Variants in SMIM35 observed in about 807,000 individuals in gnomAD.
SMIM35 encodes the protein TMPRSS4 antisense RNA 1 (non-protein coding).
chr11:118,075,448 G>T (rs929523588), intron 1 of SMIM35, among the ~76,000 whole-genome samples: 15 of 152,188 alleles, frequency 9.9e-5, no homozygotes, highest in African/African-American at 3.6e-4. Context: ...GGTCCTCCAT[G>T]GGCCATATTA....
At chr11:118,017,531 G>A (rs1042528699) in intron 1 of SMIM35, among the ~76,000 whole-genome samples, 3 of 152,144 alleles carry the variant, frequency 2.0e-5, no homozygotes, top group Non-Finnish European at 2.9e-5. Context: ...ATATTAGAGG[G>A]TGGTAAATGC....
At chr11:118,077,290 T>A in intron 1 of SMIM35, 1 of 1,601,906 alleles carries the variant, frequency 6.2e-7, no homozygotes, top group African/African-American at 1.3e-5. Context: ...ACCGGGAGGA[T>A]CACAGAGCCA....
intron 1 of SMIM35, among the ~76,000 whole-genome samples, chr11:118,069,542 T>C (rs904901542): frequency 3.5e-4 from 54 of 152,272 alleles, no homozygotes; most frequent in South Asian, 4.1e-4. Flanking sequence ...AGGAGAGATC[T>C]CCCAGGGAGC....
intron 1 of SMIM35, chr11:118,077,088 TAC>T: frequency 1.8e-6 from 1 of 543,794 alleles, no homozygotes; most frequent in Non-Finnish European, 3.3e-6. Context: ...ACTCCTGGAA[TAC>T]ACAGAGAGAG....
chr11:118,029,104 A>G (rs2058297512), intron 1 of SMIM35: 1 of 288,976 alleles, frequency 3.5e-6, no homozygotes, highest in South Asian at 3.2e-5. Flanking sequence ...CACACGCTTG[A>G]AGTATAGCAT....
intron 1 of SMIM35, among the ~76,000 whole-genome samples, chr11:118,078,035 A>G (rs71482126): frequency 4.6e-5 from 4 of 87,560 alleles, no homozygotes; most frequent in East Asian, 2.9e-4. Flanking sequence ...AAAAAAAAAA[A>G]AAAAAAAAAG....
intron 1 of SMIM35, chr11:118,067,167 C>T (rs1944487715): frequency 6.6e-6 from 1 of 152,120 alleles, no homozygotes; most frequent in South Asian, 2.1e-4. Context: ...ATGCGCACAA[C>T]ATGTGGGCCA....
At chr11:118,073,518 C>T (rs1944606370) in intron 1 of SMIM35, among the ~76,000 whole-genome samples, 1 of 152,104 alleles carries the variant, frequency 6.6e-6, no homozygotes, top group East Asian at 1.9e-4. Flanking sequence ...AAAATACATC[C>T]AGATCAAGTC....
At chr11:118,030,298 G>A (rs992579995) in intron 1 of SMIM35, among the ~76,000 whole-genome samples, 2 of 152,142 alleles carry the variant, frequency 1.3e-5, no homozygotes, top group African/African-American at 2.4e-5. Flanking sequence ...GCCACCTAAA[G>A]TGTTGGGATT....
intron 1 of SMIM35, among the ~76,000 whole-genome samples, chr11:118,065,055 T>G (rs1038808747): frequency 5.3e-5 from 8 of 152,198 alleles, no homozygotes; most frequent in African/African-American, 1.7e-4. Context: ...AATGACCAGA[T>G]AAGGCCAGAA....
intron 1 of SMIM35, among the ~76,000 whole-genome samples, chr11:118,071,083 C>T (rs908564805): frequency 9.2e-5 from 14 of 152,226 alleles, no homozygotes; most frequent in Admixed American, 7.9e-4. Flanking sequence ...CACATGGGAG[C>T]GCACATTATA....
At chr11:118,014,593 C>T (rs1176004293) in intron 3 of SMIM35, 115 bp downstream of exon 3, 3 of 398,000 alleles carry the variant, frequency 7.5e-6, no homozygotes, top group Non-Finnish European at 1.3e-5. Context: ...TTCTTAGGGG[C>T]ATGAACAGAA....
At chr11:118,013,638 A>T (rs1050374352) in intron 4 of SMIM35, 110 bp downstream of exon 4, 4 of 393,410 alleles carry the variant, frequency 1.0e-5, no homozygotes, top group Non-Finnish European at 1.3e-5. Flanking sequence ...GAACCAAATA[A>T]TCTCTTTGGG....
intron 4 of SMIM35, among the ~76,000 whole-genome samples, chr11:118,010,303 C>T (rs955378707): frequency 1.3e-5 from 2 of 152,110 alleles, no homozygotes; most frequent in Non-Finnish European, 2.9e-5. Flanking sequence ...TGGCACCTGG[C>T]CCCCTCCAAT....
intron 1 of SMIM35, among the ~76,000 whole-genome samples, chr11:118,036,538 C>T (rs1047096949): frequency 3.9e-5 from 6 of 152,216 alleles, no homozygotes; most frequent in African/African-American, 7.2e-5. Flanking sequence ...TGATTGGTAA[C>T]GTGCTGCCAG....
At chr11:118,068,902 C>G (rs1051730482) in intron 1 of SMIM35, among the ~76,000 whole-genome samples, 1 of 152,210 alleles carries the variant, frequency 6.6e-6, no homozygotes, top group African/African-American at 2.4e-5. Context: ...GCCAGAGCCA[C>G]CAGCATTATC....
chr11:118,054,715 A>T (rs1293956373), intron 1 of SMIM35, among the ~76,000 whole-genome samples: 1 of 151,680 alleles, frequency 6.6e-6, no homozygotes, highest in African/African-American at 2.4e-5. Context: ...TTGTGTTTTT[A>T]TATGTTTCCA....
chr11:118,050,638 C>T (rs1466745731), intron 1 of SMIM35, among the ~76,000 whole-genome samples: 3 of 152,372 alleles, frequency 2.0e-5, no homozygotes, highest in East Asian at 3.9e-4. Flanking sequence ...ATTTCACTCA[C>T]TCTTCTAGCC....
intron 1 of SMIM35, among the ~76,000 whole-genome samples, chr11:118,016,012 T>G (rs1295912419): frequency 1.3e-5 from 2 of 152,256 alleles, no homozygotes; most frequent in African/African-American, 4.8e-5. Context: ...CTATCGGTAT[T>G]TGGAGCTTGT....
Sources: gnomAD v4.1 joint callset for allele counts (sites outside exome capture counted in the v4.1 genomes callset) on GRCh38, gnomAD v4.1.1 for gene constraint, MANE v1.5 for transcripts, NCBI Gene and HGNC (gene_info 2026-07-23, HGNC 2026-07-21) for gene names.